The following PTPN12 variants were observed in gnomAD, a reference collection of about 807,000 sequenced individuals.
The protein encoded by PTPN12 is tyrosine-protein phosphatase non-receptor type 12.
PTPN12 carries 29 observed loss-of-function variants against 97.6 expected under a neutral mutation model. The ratio of observed to expected loss-of-function variants is 0.30; its 90% confidence interval spans 0.22 to 0.41. The LOEUF is 0.41. PTPN12 is among the 10% of genes least tolerant of loss of function. The pLI is 1.00. For missense variants in PTPN12, 819 were observed against 926.0 expected (o/e 0.88, Z 1.50); for synonymous variants, 327 against 300.4 (o/e 1.09, Z -0.91).
At chr7:77,618,906 T>C (rs1163018013) in intron 12 of PTPN12, among the ~76,000 whole-genome samples, 1 of 152,216 alleles carries the variant, frequency 6.6e-6, no homozygotes, top group Non-Finnish European at 1.5e-5. Flanking sequence ...ATTGCATGCA[T>C]GTTGAAGTGT....
At chr7:77,616,076 A>G (rs549948574) in intron 11 of PTPN12, among the ~76,000 whole-genome samples, 1 of 152,158 alleles carries the variant, frequency 6.6e-6, no homozygotes. Flanking sequence ...AGAATGAGGA[A>G]TCCTTCATGA....
chr7:77,561,254 A>G (rs188279220), intron 1 of PTPN12, among the ~76,000 whole-genome samples: 2 of 152,172 alleles, frequency 1.3e-5, no homozygotes, highest in South Asian at 2.1e-4. Flanking sequence ...TAGCCATCAC[A>G]ATGGTTCGAG....
intron 12 of PTPN12, among the ~76,000 whole-genome samples, chr7:77,622,716 A>G (rs988885036): frequency 2.6e-5 from 4 of 152,152 alleles, no homozygotes; most frequent in African/African-American, 9.7e-5. Flanking sequence ...AGTTACAGTG[A>G]GTCGAGATCG....
intron 8 of PTPN12, among the ~76,000 whole-genome samples, chr7:77,601,122 G>A (rs917175455): frequency 2.0e-5 from 3 of 152,112 alleles, no homozygotes; most frequent in Admixed American, 6.6e-5. Context: ...TCTAAAGTCA[G>A]TATGGTAGTA....
intron 8 of PTPN12, among the ~76,000 whole-genome samples, chr7:77,603,323 A>G (rs1788247279): frequency 6.6e-6 from 1 of 152,238 alleles, no homozygotes; most frequent in Non-Finnish European, 1.5e-5. Flanking sequence ...TGACCGTTAA[A>G]TATTTTTAGA....
chr7:77,587,395 C>G (rs1043101411), intron 5 of PTPN12, among the ~76,000 whole-genome samples: 1 of 147,368 alleles, frequency 6.8e-6, no homozygotes, highest in African/African-American at 2.5e-5. Flanking sequence ...ATTTTTTTTT[C>G]CAACCAGTAG....
chr7:77,567,863 G>T (rs1366268482), intron 1 of PTPN12, among the ~76,000 whole-genome samples: 4 of 152,094 alleles, frequency 2.6e-5, no homozygotes, highest in Admixed American at 2.6e-4. Flanking sequence ...GCTGAGTAAA[G>T]GTTATTATCT....
chr7:77,545,842 T>C (rs1214376322), intron 1 of PTPN12: 1 of 152,144 alleles, frequency 6.6e-6, no homozygotes, highest in African/African-American at 2.4e-5. Flanking sequence ...TCCTGGTCCT[T>C]GAGCATACCT....
intron 1 of PTPN12, among the ~76,000 whole-genome samples, chr7:77,552,867 CAG>C (rs1562707123): frequency 6.6e-6 from 1 of 152,046 alleles, no homozygotes; most frequent in African/African-American, 2.4e-5. Context: ...ATCGTTAAAA[CAG>C]AAATAGTTTG....
At chr7:77,560,594 TTCTG>T (rs1330951111) in intron 1 of PTPN12, among the ~76,000 whole-genome samples, 3 of 152,170 alleles carry the variant, frequency 2.0e-5, no homozygotes, top group Non-Finnish European at 4.4e-5. Context: ...CTATTACACT[TTCTG>T]TCTGTATGGA....
intron 13 of PTPN12, among the ~76,000 whole-genome samples, chr7:77,629,035 C>T (rs1441505499): frequency 3.9e-5 from 6 of 152,166 alleles, no homozygotes; most frequent in African/African-American, 7.2e-5. Flanking sequence ...CTGCAACCTC[C>T]GCCTCCTGGG....
intron 6 of PTPN12, among the ~76,000 whole-genome samples, chr7:77,594,764 A>G (rs992549670): frequency 9.9e-5 from 15 of 152,168 alleles, no homozygotes; most frequent in Non-Finnish European, 2.1e-4. Context: ...TTGGCCTCCC[A>G]AAGTACTAGG....
chr7:77,615,934 G>T (rs548168706), intron 11 of PTPN12, among the ~76,000 whole-genome samples: 1 of 152,122 alleles, frequency 6.6e-6, no homozygotes, highest in Admixed American at 6.6e-5. Flanking sequence ...GCTCTTTATC[G>T]AATTGCAGTT....
Position 77,626,788 on chromosome 7 carries a change from C to T in PTPN12, c.1109C>T (p.Pro370Leu). 2 of 1,613,966 alleles carry T rather than the reference C, an allele frequency of 1.2e-6. No individual in the cohort carries two copies. The highest frequency in any genetic ancestry group is 3.3e-4 in the Middle Eastern group (2 of 6,060). ...GTGCCACCCATCTTGACACCTTCTC[C>T]CCCTTCAGCTTTTCCAACAGTCACT... Reference protein sequence around the residue: ...HPVPPILTPSPPSAFPTVTTV... With the variant: ...HPVPPILTPSLPSAFPTVTTV... Residue 370 changes from proline (P) to leucine (L), a missense_variant, in exon 13 of 18, where the codon CCC becomes CTC. This residue lies in a region of PTPN12 where 607 missense variants were observed against 577.3 expected (regional missense o/e 1.05). Coordinates refer to ENST00000248594, the MANE Select transcript of PTPN12 (RefSeq NM_002835.4).
chr7:77,620,650 G>A (rs1318564730), intron 12 of PTPN12, among the ~76,000 whole-genome samples: 5 of 152,180 alleles, frequency 3.3e-5, no homozygotes, highest in African/African-American at 4.8e-5. Flanking sequence ...TTAATTGTTT[G>A]TTTAAAGTAC....
chr7:77,600,723 A>G lies in PTPN12; in HGVS notation c.612A>G (p.Ser204=). ...YVNWPDHDVP[S]SFDSILDMIS... ...ACTGGCCAGACCATGATGTTCCTTC[A>G]TCATTTGATTCTATTCTGGACATGA... Residue 204 remains serine (S), a synonymous_variant, in exon 8 of 18, where the codon TCA becomes TCG. Transcript: ENST00000248594. The G allele has an allele frequency of 6.2e-7, 1 of 1,612,156 alleles. No homozygotes were observed. The highest frequency in any genetic ancestry group is 8.5e-7 in the Non-Finnish European group (1 of 1,178,676).
At chr7:77,549,585 T>TG (rs952779213) in intron 1 of PTPN12, among the ~76,000 whole-genome samples, 15 of 151,328 alleles carry the variant, frequency 9.9e-5, no homozygotes, top group African/African-American at 3.4e-4. Flanking sequence ...TTTGTTTGTT[T>TG]TTTTTTTTTT....
intron 9 of PTPN12, 77 bp from the exon 10 acceptor site, chr7:77,610,688 T>C: frequency 1.4e-6 from 2 of 1,412,752 alleles, no homozygotes; most frequent in Non-Finnish European, 9.7e-7. Context: ...ATTTAAGTTT[T>C]ATGTGAAAAG....
intron 9 of PTPN12, among the ~76,000 whole-genome samples, chr7:77,608,854 G>A (rs1442142853): frequency 2.0e-5 from 3 of 152,160 alleles, no homozygotes; most frequent in African/African-American, 7.2e-5. Context: ...AAAAGTCAAA[G>A]ATTAAAATTG....
Sources: allele counts gnomAD v4.1 joint callset (sites outside exome capture counted in the v4.1 genomes callset), GRCh38; gene constraint gnomAD v4.1.1; regional missense constraint gnomAD v4.1.1; transcripts MANE v1.5; gene names NCBI Gene and HGNC (gene_info 2026-07-23, HGNC 2026-07-21).